Variants in FGF14 observed in about 807,000 individuals in gnomAD.
FGF14 encodes fibroblast growth factor 14, also known as fibroblast growth factor homologous factor 4.
A neutral mutation model predicts 25.5 loss-of-function variants in FGF14; 5 were observed. The observed-to-expected ratio is 0.20, with a 90% CI of 0.10 to 0.41. FGF14 has a LOEUF of 0.41. FGF14 is among the 10% of genes least tolerant of loss of function. FGF14 has a pLI of 1.00. For missense variants in FGF14, 222 were observed against 320.1 expected (o/e 0.69, Z 2.34); for synonymous variants, 138 against 118.3 (o/e 1.17, Z -1.08).
intron 1 of FGF14, chr13:102,394,206 T>C (rs960922102): frequency 2.0e-5 from 3 of 152,360 alleles, no homozygotes; most frequent in African/African-American, 7.2e-5. Context: ...CTCCCTTCCC[T>C]TTCCTTCAGA....
intron 1 of FGF14, among the ~76,000 whole-genome samples, chr13:102,154,834 T>C (rs1157773714): frequency 1.4e-5 from 2 of 145,640 alleles, no homozygotes; most frequent in African/African-American, 2.5e-5. Flanking sequence ...ACCAAGCAAA[T>C]GGAAAAAAAA....
chr13:102,310,696 T>TGGG (rs1181823636), intron 1 of FGF14, among the ~76,000 whole-genome samples: 2 of 3,478 alleles, frequency 5.8e-4, no homozygotes, highest in East Asian at 0.012. Flanking sequence ...TGTGTGTGTG[T>TGGG]GGGGGGGGGG....
At chr13:101,972,211 A>G (rs2139549089) in intron 1 of FGF14, among the ~76,000 whole-genome samples, 1 of 152,362 alleles carries the variant, frequency 6.6e-6, no homozygotes, top group Non-Finnish European at 1.5e-5. Context: ...TAGTGAGGAC[A>G]GCACGTAGCT....
chr13:102,263,686 C>T (rs1356350264), intron 1 of FGF14, among the ~76,000 whole-genome samples: 1 of 152,048 alleles, frequency 6.6e-6, no homozygotes, highest in Non-Finnish European at 1.5e-5. Context: ...ATTTCTAGTA[C>T]AGTATTTCTG....
chr13:101,714,956 ACT>A lies in FGF14; in HGVS notation c.*7873_*7874del. 1 of 196,788 alleles carries A rather than the reference ACT, an allele frequency of 5.1e-6. No individual in the cohort carries two copies. Among genetic ancestry groups the A allele is most frequent in the East Asian group, 1.4e-4 (1 of 7,226 alleles). 12.2% of individuals were successfully genotyped at this position (196,788 alleles called of 1,614,324 possible). A position where few individuals can be genotyped will look rare whatever the true frequency, so the allele number is the denominator to read the frequency against. ...TTGATGTGTTGGTTGCTTTTAGGGA[ACT>A]GGATGTGTGTATGGGGGAGAGGTAT... is the stretch of plus-strand genomic sequence containing the variant. On this transcript the variant is annotated 3_prime_UTR_variant, in exon 5 of 5. Transcript: ENST00000376143.
At chr13:101,826,262 G>A (rs9585788) in intron 3 of FGF14, among the ~76,000 whole-genome samples, 28 of 151,586 alleles carry the variant, frequency 1.8e-4, no homozygotes, top group South Asian at 1.3e-3. Flanking sequence ...ACCTCCCCCC[G>A]TCCCCGATAC....
At chr13:102,342,713 TA>T (rs2056988810) in intron 1 of FGF14, among the ~76,000 whole-genome samples, 1 of 152,112 alleles carries the variant, frequency 6.6e-6, no homozygotes, top group Non-Finnish European at 1.5e-5. Flanking sequence ...GGAGTCTAGC[TA>T]AAAAATGTTG....
At chr13:102,124,146 A>G (rs1428811997) in intron 1 of FGF14, among the ~76,000 whole-genome samples, 1 of 152,162 alleles carries the variant, frequency 6.6e-6, no homozygotes, top group African/African-American at 2.4e-5. Flanking sequence ...GTAGTGCTAT[A>G]AAGAGGGGAA....
rs897403690 is a variant in FGF14, at chr13:102,095,014, T to C, written c.209-219718A>G. On this transcript the variant is annotated intron_variant, in intron 1 of 4. Transcript: ENST00000376131. Reference sequence around the variant, plus strand: ...TCAACACTATGGAAGAGAGCTCAAATAGAGAAACATCATGAAAGCCTGGAA... The same window carrying C: ...TCAACACTATGGAAGAGAGCTCAAACAGAGAAACATCATGAAAGCCTGGAA... Among the ~76,000 whole-genome samples, 7 of 152,184 alleles carry C rather than the reference T, an allele frequency of 4.6e-5. No individual in the cohort carries two copies. The East Asian group carries it at 1.2e-3, about 25-fold the overall frequency.
At chr13:102,152,285 G>C (rs1040274482) in intron 1 of FGF14, among the ~76,000 whole-genome samples, 1 of 152,182 alleles carries the variant, frequency 6.6e-6, no homozygotes, top group African/African-American at 2.4e-5. Context: ...TAGTTTGCTA[G>C]GGTTCCCATA....
At chr13:102,247,264 A>C (rs1046971685) in intron 1 of FGF14, among the ~76,000 whole-genome samples, 1 of 152,210 alleles carries the variant, frequency 6.6e-6, no homozygotes, top group African/African-American at 2.4e-5. Flanking sequence ...GAGCTTCTAC[A>C]CAGCAAAAGA....
intron 3 of FGF14, among the ~76,000 whole-genome samples, chr13:101,828,677 A>C (rs2140271342): frequency 6.6e-6 from 1 of 152,146 alleles, no homozygotes; most frequent in African/African-American, 2.4e-5. Context: ...TGATCTCCCA[A>C]ATGGATGAGT....
chr13:102,107,704 A>G (rs1338543923), intron 1 of FGF14, among the ~76,000 whole-genome samples: 4 of 152,208 alleles, frequency 2.6e-5, no homozygotes, highest in Non-Finnish European at 5.9e-5. Flanking sequence ...AGTAACTGGC[A>G]TTGGAAAATT....
intron 2 of FGF14, among the ~76,000 whole-genome samples, 158 bp downstream of exon 2, chr13:101,875,028 C>T (rs371084175): frequency 1.8e-4 from 28 of 152,058 alleles, no homozygotes; most frequent in Non-Finnish European, 5.9e-5. Context: ...TTTTCATCCA[C>T]GTAGTTTAAA....
chr13:102,087,777 T>C (rs2043992998), intron 1 of FGF14, among the ~76,000 whole-genome samples: 1 of 151,934 alleles, frequency 6.6e-6, no homozygotes, highest in South Asian at 2.1e-4. Flanking sequence ...CATGCAAAAA[T>C]AGTATTAGAT....
intron 1 of FGF14, among the ~76,000 whole-genome samples, chr13:102,113,548 A>G (rs1262956197): frequency 1.3e-5 from 2 of 152,142 alleles, no homozygotes; most frequent in African/African-American, 2.4e-5. Flanking sequence ...TTCTACATTG[A>G]CTCCACCTAA....
At chr13:102,312,135 T>C (rs2055800500) in intron 1 of FGF14, among the ~76,000 whole-genome samples, 2 of 151,786 alleles carry the variant, frequency 1.3e-5, no homozygotes, top group Non-Finnish European at 2.9e-5. Context: ...TAAGGTTGTC[T>C]ACGATTTATG....
intron 1 of FGF14, among the ~76,000 whole-genome samples, chr13:102,357,297 C>A (rs1342286214): frequency 2.6e-5 from 4 of 151,942 alleles, no homozygotes; most frequent in Admixed American, 6.6e-5. Context: ...AGGAGCCACA[C>A]CTGCATGCAC....
Position 102,196,957 on chromosome 13 carries a change from GT to G in FGF14, c.208+204513del, listed in dbSNP as rs60053028. Reference sequence around the variant, plus strand: ...CCTGAGTCCAGATTTTGTTTTTTTGGTTTTTTTTTTTCTGCTCTTACAATGT... The same window carrying G: ...CCTGAGTCCAGATTTTGTTTTTTTGGTTTTTTTTTTCTGCTCTTACAATGT... On this transcript the variant is annotated intron_variant, in intron 1 of 4. Coordinates refer to the FGF14 transcript ENST00000376131. Among the ~76,000 whole-genome samples, 129 of 149,722 alleles carry G rather than the reference GT, an allele frequency of 8.6e-4. 1 individual carries two copies. Among genetic ancestry groups the G allele is most frequent in the Middle Eastern group, 3.4e-3 (1 of 292 alleles).
Sources: allele counts gnomAD v4.1 joint callset (sites outside exome capture counted in the v4.1 genomes callset), GRCh38; gene constraint gnomAD v4.1.1; transcripts MANE v1.5; gene names NCBI Gene and HGNC (gene_info 2026-07-23, HGNC 2026-07-21).